Variants in CFAP299 observed in about 807,000 individuals in gnomAD.
CFAP299 encodes cilia and flagella associated protein 299.
A neutral mutation model predicts 27.0 loss-of-function variants in CFAP299; 21 were observed. The ratio of observed to expected loss-of-function variants is 0.78; its 90% confidence interval spans 0.55 to 1.12. The LOEUF is 1.12. Ranked by LOEUF, CFAP299 falls within the 50% of genes most tolerant of loss-of-function variation. CFAP299 has a pLI of 0.00. For synonymous variants in CFAP299, 104 were observed against 98.1 expected, an observed-to-expected ratio of 1.06 and a Z score of -0.36; for missense variants, 310 against 276.6, an observed-to-expected ratio of 1.12 and a Z score of -0.86.
intron 3 of CFAP299, among the ~76,000 whole-genome samples, chr4:80,791,649 C>T (rs937868821): frequency 1.3e-5 from 2 of 151,902 alleles, no homozygotes; most frequent in East Asian, 1.9e-4. Flanking sequence ...CTTTAACATG[C>T]CTTTGCAAAC....
Position 80,906,785 on chromosome 4 carries a change from T to C in CFAP299, c.476+36650T>C, listed in dbSNP as rs532237112. 2.8e-4 allele frequency among the ~76,000 whole-genome samples: 43 copies of C among 152,220 alleles called. 1 individual carries two copies. The South Asian group carries it at 8.9e-3, about 32-fold the overall frequency. On this transcript the variant is annotated intron_variant, in intron 4 of 5. Transcript: ENST00000358105. ...CAGAGCACCATGTCTCAAGGCTCCATAGAACAGGGGACCCTGGGCCTTATC... is the reference window on the plus strand; with the variant it reads ...CAGAGCACCATGTCTCAAGGCTCCACAGAACAGGGGACCCTGGGCCTTATC...
chr4:80,943,626 G>T (rs905995482), intron 4 of CFAP299, among the ~76,000 whole-genome samples: 1 of 151,878 alleles, frequency 6.6e-6, no homozygotes, highest in Non-Finnish European at 1.5e-5. Flanking sequence ...AAAATAAGTA[G>T]ATTTTTATTT....
intron 3 of CFAP299, among the ~76,000 whole-genome samples, chr4:80,692,806 G>T (rs531060799): frequency 6.6e-6 from 1 of 152,208 alleles, no homozygotes; most frequent in Admixed American, 6.5e-5. Flanking sequence ...ATCTGACAAA[G>T]GGCTGATATC....
chr4:80,615,272 C>T (rs575244862), intron 3 of CFAP299, among the ~76,000 whole-genome samples: 3 of 151,926 alleles, frequency 2.0e-5, no homozygotes, highest in Non-Finnish European at 2.9e-5. Context: ...TAGAAATCGC[C>T]GGCTATCTAC....
intron 2 of CFAP299, among the ~76,000 whole-genome samples, chr4:80,418,117 A>C (rs1185197474): frequency 1.3e-5 from 2 of 152,240 alleles, no homozygotes; most frequent in Non-Finnish European, 2.9e-5. Context: ...TAATTTAGAA[A>C]GCCAATTAGA....
chr4:80,342,413 C>T (rs772929991), intron 1 of CFAP299, among the ~76,000 whole-genome samples: 6 of 152,004 alleles, frequency 3.9e-5, no homozygotes, highest in South Asian at 2.1e-4. Flanking sequence ...TAAAGGCAGC[C>T]GCAGAGAAAG....
intron 3 of CFAP299, among the ~76,000 whole-genome samples, chr4:80,839,681 T>A (rs1364669858): frequency 9.2e-5 from 14 of 152,072 alleles, no homozygotes; most frequent in Non-Finnish European, 2.9e-5. Context: ...TTATTCATGG[T>A]TATCTCAAAG....
intron 2 of CFAP299, among the ~76,000 whole-genome samples, chr4:80,513,938 G>A (rs1412711153): frequency 6.6e-6 from 1 of 151,974 alleles, no homozygotes. Flanking sequence ...TAAATATGAA[G>A]GAGGAAAACA....
chr4:80,471,920 G>T (rs1730019696), intron 2 of CFAP299, among the ~76,000 whole-genome samples: 1 of 152,144 alleles, frequency 6.6e-6, no homozygotes. Context: ...GCAGCTTTCG[G>T]TTTGCTTTCA....
At chr4:80,368,457 A>G (rs1190596995) in intron 2 of CFAP299, among the ~76,000 whole-genome samples, 7 of 152,186 alleles carry the variant, frequency 4.6e-5, no homozygotes, top group Non-Finnish European at 1.0e-4. Context: ...GCTATAATGT[A>G]TAGTTATCTC....
At chr4:80,766,701 C>T (rs998705856) in intron 3 of CFAP299, among the ~76,000 whole-genome samples, 1 of 152,062 alleles carries the variant, frequency 6.6e-6, no homozygotes, top group Non-Finnish European at 1.5e-5. Flanking sequence ...CCAACCAAAA[C>T]AAATAAACAA....
chr4:80,550,430 T>G (rs1015550048), intron 2 of CFAP299, among the ~76,000 whole-genome samples: 1 of 152,122 alleles, frequency 6.6e-6, no homozygotes, highest in Non-Finnish European at 1.5e-5. Flanking sequence ...TACACCTTTA[T>G]CTACATATGT....
intron 2 of CFAP299, among the ~76,000 whole-genome samples, chr4:80,531,467 A>T (rs1479877068): frequency 6.6e-6 from 1 of 152,214 alleles, no homozygotes; most frequent in Non-Finnish European, 1.5e-5. Context: ...ACTCCAGGGA[A>T]CTAGGCACCA....
chr4:80,727,563 C>T (rs1723233226), intron 3 of CFAP299, among the ~76,000 whole-genome samples: 1 of 151,960 alleles, frequency 6.6e-6, no homozygotes, highest in South Asian at 2.1e-4. Context: ...AGCCATGGCC[C>T]TTGGGTTCCT....
chr4:80,842,945 C>G (rs142890543), intron 3 of CFAP299, among the ~76,000 whole-genome samples: 1 of 152,080 alleles, frequency 6.6e-6, no homozygotes, highest in Non-Finnish European at 1.5e-5. Context: ...GAAACAAGAA[C>G]AAATAGAATT....
At chr4:80,923,371 T>G (rs936230309) in intron 4 of CFAP299, among the ~76,000 whole-genome samples, 2 of 152,086 alleles carry the variant, frequency 1.3e-5, no homozygotes, top group Non-Finnish European at 2.9e-5. Context: ...TTGTCGTCTC[T>G]TAGTGTATAT....
chr4:80,708,682 G>T (rs1416387121), intron 3 of CFAP299, among the ~76,000 whole-genome samples: 1 of 151,976 alleles, frequency 6.6e-6, no homozygotes, highest in Non-Finnish European at 1.5e-5. Flanking sequence ...GAGTCACTTG[G>T]ACAATTTTCA....
intron 3 of CFAP299, among the ~76,000 whole-genome samples, chr4:80,631,077 A>G (rs191722130): frequency 8.5e-5 from 13 of 152,184 alleles, no homozygotes; most frequent in Admixed American, 3.9e-4. Flanking sequence ...TAAATTAATT[A>G]TAAAATAACA....
chr4:80,522,065 A>G (rs1413190663), intron 2 of CFAP299, among the ~76,000 whole-genome samples: 1 of 152,048 alleles, frequency 6.6e-6, no homozygotes, highest in African/African-American at 2.4e-5. Flanking sequence ...TGGCTGTACC[A>G]TTTTATATAA....
Sources: gnomAD v4.1 joint callset for allele counts (sites outside exome capture counted in the v4.1 genomes callset) on GRCh38, gnomAD v4.1.1 for gene constraint, MANE v1.5 for transcripts, NCBI Gene and HGNC (gene_info 2026-07-23, HGNC 2026-07-21) for gene names.